Variants in DPY19L2 observed in about 807,000 individuals in gnomAD.
DPY19L2 encodes probable C-mannosyltransferase DPY19L2.
DPY19L2 carries 34 observed loss-of-function variants against 97.9 expected under a neutral mutation model. The observed-to-expected ratio is 0.35, with a 90% confidence interval of 0.26 to 0.46. The LOEUF (loss-of-function observed/expected upper bound fraction) is 0.46, where lower values mean the gene tolerates loss of function less well. Ranked by LOEUF, DPY19L2 falls within the 20% of genes least tolerant of loss-of-function variation. DPY19L2 has a pLI of 1.00. For synonymous variants in DPY19L2, 230 were observed against 307.9 expected (o/e 0.75, Z 2.65); for missense variants, 623 against 911.4 (o/e 0.68, Z 4.07).
chr12:63,594,462 A>AGCTTGTGTGTG (rs1565734080), intron 15 of DPY19L2, among the ~76,000 whole-genome samples: 1 of 47,500 alleles, frequency 2.1e-5, no homozygotes, highest in Admixed American at 2.2e-4. Flanking sequence ...AGAGAGAGAG[A>AGCTTGTGTGTG]TAGTGTGTGT....
At chr12:63,615,994 T>G (rs1161717044) in intron 11 of DPY19L2, among the ~76,000 whole-genome samples, 1 of 152,104 alleles carries the variant, frequency 6.6e-6, no homozygotes, top group African/African-American at 2.4e-5. Context: ...TATACAACTA[T>G]TTGCATAGTA....
chr12:63,581,284 G>A (rs944452875), intron 18 of DPY19L2, among the ~76,000 whole-genome samples: 21 of 152,066 alleles, frequency 1.4e-4, no homozygotes, highest in African/African-American at 4.8e-4. Flanking sequence ...AACGAAGTAA[G>A]GTGTTTGTAG....
intron 6 of DPY19L2, among the ~76,000 whole-genome samples, chr12:63,643,757 A>C (rs1453133453): frequency 1.3e-5 from 2 of 152,172 alleles, no homozygotes; most frequent in Admixed American, 6.5e-5. Flanking sequence ...TAAAAGCAGG[A>C]AGAAACAGAG....
rs2942611 is a variant in DPY19L2, at chr12:63,590,664, T to A, written c.1580+3423A>T. 6.6e-5 allele frequency among the ~76,000 whole-genome samples: 10 copies of A among 152,230 alleles called. No individual in the cohort carries two copies. The South Asian group carries it at 1.2e-3, about 19-fold the overall frequency. ...TAAGAAGAATACAATTCTATTTTTT[T>A]AAAATATTGTGTTTCTATATGTATT... is the stretch of plus-strand genomic sequence containing the variant. On this transcript the variant is annotated intron_variant, in intron 16 of 21. Coordinates refer to ENST00000324472, the MANE Select transcript of DPY19L2 (RefSeq NM_173812.5).
At position 63,625,292 on chromosome 12, in the gene DPY19L2, G is replaced by C. The variant is rs564788209; in HGVS notation, c.862-1161C>G. On this transcript the variant is annotated intron_variant, in intron 7 of 21. Coordinates refer to ENST00000324472, the MANE Select transcript of DPY19L2 (RefSeq NM_173812.5). ...CATGCCTGTAATGCCAGCTACTCAG[G>C]AGGCTGAGGCAGGAGAATTGCTTGA... Among the ~76,000 whole-genome samples the C allele has an allele frequency of 8.6e-5, 13 of 151,984 alleles. No homozygotes were observed. The South Asian group carries it at 1.0e-3, about 12-fold the overall frequency.
intron 19 of DPY19L2, among the ~76,000 whole-genome samples, chr12:63,571,449 A>G (rs1444839476): frequency 6.6e-6 from 1 of 152,190 alleles, no homozygotes; most frequent in Non-Finnish European, 1.5e-5. Flanking sequence ...CAGCAGGACT[A>G]CAGACACACA....
intron 20 of DPY19L2, among the ~76,000 whole-genome samples, chr12:63,570,395 G>A (rs559928344): frequency 2.6e-5 from 4 of 152,106 alleles, no homozygotes; most frequent in Non-Finnish European, 5.9e-5. Flanking sequence ...TTGTGGTGTA[G>A]AGCAGGGGTT....
chr12:63,569,323 G>A lies in DPY19L2; in HGVS notation c.2027C>T (p.Thr676Ile). Residue 676 changes from threonine (T) to isoleucine (I), a missense_variant, in exon 21 of 22, where the codon ACA becomes ATA. Physicochemically the swap from Thr to Ile is moderately conservative, Grantham distance 89. This residue lies in a region of DPY19L2 where 294 missense variants were observed against 446.2 expected (regional missense o/e 0.66). Coordinates refer to ENST00000324472, the MANE Select transcript of DPY19L2 (RefSeq NM_173812.5). Reference sequence around the variant, plus strand: ...TTCTTTGGCAGATTTTCGACTATATGTAGAATAAACTATTTTTGTCCGAGC... The same window carrying A: ...TTCTTTGGCAGATTTTCGACTATATATAGAATAAACTATTTTTGTCCGAGC... ...LRARTKIVYS[T>I]YSRKSAKEVR... 1 of 1,593,006 alleles carries A rather than the reference G, an allele frequency of 6.3e-7. No homozygotes were observed. The highest frequency in any genetic ancestry group is 8.5e-7 in the Non-Finnish European group (1 of 1,171,638).
chr12:63,595,363 T>C (rs992483602), intron 15 of DPY19L2, among the ~76,000 whole-genome samples: 3 of 152,188 alleles, frequency 2.0e-5, no homozygotes, highest in African/African-American at 4.8e-5. Context: ...TGCTTTTAGA[T>C]AAACTCCACC....
chr12:63,591,096 T>G, intron 16 of DPY19L2: 2 of 455,872 alleles, frequency 4.4e-6, no homozygotes, highest in Non-Finnish European at 8.8e-6. Context: ...TTTTTTAGAA[T>G]GCCAAGACAC....
chr12:63,612,626 A>G (rs1031227442), intron 11 of DPY19L2, among the ~76,000 whole-genome samples: 1 of 150,048 alleles, frequency 6.7e-6, no homozygotes, highest in African/African-American at 2.4e-5. Flanking sequence ...AAGGACTAGG[A>G]AAAAAGGAGA....
At chr12:63,664,958 C>T (rs561215941) in intron 2 of DPY19L2, among the ~76,000 whole-genome samples, 21 of 152,244 alleles carry the variant, frequency 1.4e-4, no homozygotes, top group Non-Finnish European at 8.8e-5. Context: ...AGATCTCATA[C>T]ATCCCAAGGG....
intron 8 of DPY19L2, among the ~76,000 whole-genome samples, chr12:63,622,080 A>G (rs1368156648): frequency 1.3e-5 from 2 of 152,186 alleles, no homozygotes; most frequent in South Asian, 2.1e-4. Context: ...AAATGTTCAT[A>G]TTGTTTACTA....
At chr12:63,659,580 A>G (rs1330554779) in intron 4 of DPY19L2, among the ~76,000 whole-genome samples, 1 of 152,150 alleles carries the variant, frequency 6.6e-6, no homozygotes, top group African/African-American at 2.4e-5. Flanking sequence ...GATTTATTCT[A>G]AAGTGACAGT....
intron 12 of DPY19L2, among the ~76,000 whole-genome samples, chr12:63,602,480 AGT>A (rs1885347209): frequency 6.6e-6 from 1 of 152,144 alleles, no homozygotes; most frequent in Non-Finnish European, 1.5e-5. Flanking sequence ...AATCAAAACT[AGT>A]GTTTAAATTA....
intron 20 of DPY19L2, among the ~76,000 whole-genome samples, chr12:63,570,038 G>C (rs768114902): frequency 5.9e-5 from 9 of 152,120 alleles, no homozygotes; most frequent in Non-Finnish European, 1.2e-4. Context: ...CATTTCTAAG[G>C]TGTCTGACTC....
At chr12:63,618,104 CTG>C (rs1317868913) in intron 10 of DPY19L2, 45 bp downstream of exon 10, 1 of 1,165,718 alleles carries the variant, frequency 8.6e-7, no homozygotes, top group Admixed American at 2.3e-5. Context: ...TTTATAAACT[CTG>C]AGAACCTATC....
At chr12:63,604,413 A>G (rs948775115) in intron 12 of DPY19L2, among the ~76,000 whole-genome samples, 11 of 152,116 alleles carry the variant, frequency 7.2e-5, no homozygotes, top group Admixed American at 5.2e-4. Flanking sequence ...GAGTTTTAGC[A>G]ATTACTTCTT....
chr12:63,574,992 C>T (rs1449514362), intron 19 of DPY19L2, among the ~76,000 whole-genome samples: 1 of 151,992 alleles, frequency 6.6e-6, no homozygotes, highest in Admixed American at 6.6e-5. Context: ...TTTCATCCAA[C>T]ATCTAAGGAA....
Sources: gnomAD v4.1 joint callset for allele counts (sites outside exome capture counted in the v4.1 genomes callset) on GRCh38, gnomAD v4.1.1 for gene constraint, gnomAD v4.1.1 regional missense constraint, MANE v1.5 for transcripts, NCBI Gene and HGNC (gene_info 2026-07-23, HGNC 2026-07-21) for gene names.